Variants in KRABD2 observed in about 807,000 individuals in gnomAD.
The protein encoded by KRABD2 is KRAB domain containing 2.
chr17:8,369,992 A>C, the KRABD2 span: 1 of 1,614,196 alleles, frequency 6.2e-7, no homozygotes, highest in Non-Finnish European at 8.5e-7. Context: ...GTGTCCGCCC[A>C]CCATGTCCAA....
At chr17:8,362,406 T>C in the KRABD2 span, among the ~76,000 whole-genome samples, 1 of 152,216 alleles carries the variant, frequency 6.6e-6, no homozygotes, top group East Asian at 1.9e-4. This position sits in a 1 kb window ranked among gnomAD's most constrained non-coding sequence, Gnocchi z 4.2. Flanking sequence ...TGTTAACTAT[T>C]ATTCCAAGCA....
chr17:8,371,496 T>C, the KRABD2 span: 1 of 1,608,920 alleles, frequency 6.2e-7, no homozygotes, highest in Non-Finnish European at 8.5e-7. Context: ...TCAGCAGGAC[T>C]GGGGAAGAGA....
chr17:8,376,022 C>T, the KRABD2 span: 6 of 1,231,606 alleles, frequency 4.9e-6, no homozygotes, highest in African/African-American at 9.3e-5. Context: ...ATTGCCATCT[C>T]TCCTTCATCT....
chr17:8,370,144 G>A, the KRABD2 span: 29 of 1,613,790 alleles, frequency 1.8e-5, no homozygotes, highest in South Asian at 2.6e-4. Flanking sequence ...GCTGCACGGC[G>A]ATAATCACGT....
chr17:8,368,414 G>A, the KRABD2 span, among the ~76,000 whole-genome samples: 2 of 152,028 alleles, frequency 1.3e-5, no homozygotes, highest in South Asian at 4.1e-4. Flanking sequence ...CCTTCTCAGG[G>A]GAGAAGGCCA....
the KRABD2 span, chr17:8,370,295 A>G: frequency 8.6e-5 from 139 of 1,612,092 alleles, no homozygotes; most frequent in Admixed American, 1.2e-4. Context: ...CTCTCATGTT[A>G]CTTATCTCCA....
the KRABD2 span, chr17:8,375,954 C>T: frequency 1.1e-4 from 141 of 1,230,774 alleles, 1 homozygote; most frequent in African/African-American, 1.8e-3. Context: ...CATTGATCCT[C>T]CCAATCACAG....
chr17:8,374,871 G>C, the KRABD2 span, among the ~76,000 whole-genome samples: 1 of 133,508 alleles, frequency 7.5e-6, no homozygotes, highest in Non-Finnish European at 1.6e-5. Flanking sequence ...CCGGGAGGTG[G>C]AGCTTGCAGT....
At chr17:8,374,352 T>G in the KRABD2 span, among the ~76,000 whole-genome samples, 1 of 152,158 alleles carries the variant, frequency 6.6e-6, no homozygotes, top group Non-Finnish European at 1.5e-5. Context: ...CTGAAACATG[T>G]GCTGTGTCCA....
At chr17:8,363,834 T>TC in the KRABD2 span, among the ~76,000 whole-genome samples, 20 of 45,354 alleles carry the variant, frequency 4.4e-4, no homozygotes, top group African/African-American at 1.5e-3. Context: ...ATCATACATA[T>TC]ATATATATAT....
chr17:8,373,556 T>C, the KRABD2 span: 1 of 189,054 alleles, frequency 5.3e-6, no homozygotes, highest in South Asian at 8.9e-5. Context: ...TGCCTTGGCC[T>C]CCCAAAGTGC....
chr17:8,359,604 A>G, the KRABD2 span: 2 of 456,026 alleles, frequency 4.4e-6, no homozygotes, highest in South Asian at 3.1e-5. Context: ...AGGTAAGGAG[A>G]GCTGGTCCAG....
At chr17:8,363,787 CAT>C in the KRABD2 span, among the ~76,000 whole-genome samples, 1 of 133,702 alleles carries the variant, frequency 7.5e-6, no homozygotes, top group Non-Finnish European at 1.6e-5. Context: ...ATATGTCATA[CAT>C]ATATATCATA....
the KRABD2 span, chr17:8,375,761 T>C: frequency 3.3e-5 from 16 of 482,758 alleles, no homozygotes; most frequent in South Asian, 1.3e-3. Flanking sequence ...TTCAGTATCT[T>C]TTCCAAAGCA....
the KRABD2 span, among the ~76,000 whole-genome samples, chr17:8,362,053 G>A: frequency 2.6e-5 from 4 of 152,138 alleles, no homozygotes; most frequent in African/African-American, 4.8e-5. The surrounding 1 kb of genome is among the most constrained non-coding windows in gnomAD (Gnocchi z 4.2). Context: ...AAGGCCAGGC[G>A]TGGTGGCTCA....
chr17:8,368,952 T>C, the KRABD2 span: 1 of 1,099,308 alleles, frequency 9.1e-7, no homozygotes, highest in Non-Finnish European at 1.2e-6. Flanking sequence ...TGGTAATTTT[T>C]TATGGCAGCC....
chr17:8,365,373 CTCAG>C, the KRABD2 span, among the ~76,000 whole-genome samples: 1 of 152,126 alleles, frequency 6.6e-6, no homozygotes, highest in East Asian at 1.9e-4. Context: ...AGGTAACATC[CTCAG>C]TCAAAGTTGG....
chr17:8,373,081 T>TA, the KRABD2 span, among the ~76,000 whole-genome samples: 2 of 152,172 alleles, frequency 1.3e-5, no homozygotes, highest in South Asian at 4.1e-4. Flanking sequence ...CTAGTGATTT[T>TA]AAAAAAATTT....
chr17:8,368,901 T>C, the KRABD2 span: 72 of 598,476 alleles, frequency 1.2e-4, no homozygotes, highest in Non-Finnish European at 8.0e-6. Flanking sequence ...CCTACCAAAG[T>C]GCTGGGATTA....
Sources: allele counts gnomAD v4.1 joint callset (sites outside exome capture counted in the v4.1 genomes callset), GRCh38; gene constraint gnomAD v4.1.1; non-coding constraint Gnocchi (gnomAD v3.1); transcripts MANE v1.5; gene names NCBI Gene and HGNC (gene_info 2026-07-23, HGNC 2026-07-21).